MTMR1: variants seen among roughly 807,000 people sequenced by gnomAD.
The protein encoded by MTMR1 is myotubularin related protein 1.
Under a neutral mutation model 51.6 loss-of-function variants are expected in MTMR1, and 17 were observed. The ratio of observed to expected loss-of-function variants is 0.33; its 90% confidence interval spans 0.23 to 0.49. The LOEUF (loss-of-function observed/expected upper bound fraction) is 0.49, where lower values mean the gene tolerates loss of function less well. MTMR1 is among the 20% of genes least tolerant of loss of function. MTMR1 has a pLI of 0.99. For missense variants in MTMR1, 386 were observed against 526.9 expected (o/e 0.73, Z 2.62); for synonymous variants, 201 against 205.6 (o/e 0.98, Z 0.19).
At chrX:150,724,974 T>G (rs1255527601) in intron 4 of MTMR1, among the ~76,000 whole-genome samples, 4 of 112,348 alleles carry the variant, frequency 3.6e-5, no homozygotes, top group Admixed American at 2.8e-4. Context: ...GCTGTTTTGG[T>G]TACTGTGGGC....
chrX:150,741,215 T>G (rs1364474651), intron 12 of MTMR1, among the ~76,000 whole-genome samples: 1 of 111,719 alleles, frequency 9.0e-6, no homozygotes, highest in Non-Finnish European at 1.9e-5. Context: ...AACTCCTCAG[T>G]GTGCACTCAA....
Position 150,707,803 on chromosome X carries a change from C to T in MTMR1, c.253-4539C>T, listed in dbSNP as rs1190363129. 3.6e-5 allele frequency among the ~76,000 whole-genome samples: 4 copies of T among 111,915 alleles called. No individual in the cohort carries two copies. The Admixed American group carries it at 3.8e-4, about 11-fold the overall frequency. On this transcript the variant is annotated intron_variant, in intron 2 of 15. Transcript: ENST00000445323. Reference sequence around the variant, plus strand: ...TTTTAACAGTTTTATTCATAATCACCGAAAACTGGAACCCACCCAGATGTT... The same window carrying T: ...TTTTAACAGTTTTATTCATAATCACTGAAAACTGGAACCCACCCAGATGTT...
At chrX:150,727,397 A>G in intron 5 of MTMR1, 88 bp downstream of exon 5, 1 of 760,994 alleles carries the variant, frequency 1.3e-6, no homozygotes, top group Non-Finnish European at 1.9e-6. Flanking sequence ...CTGAAATCCC[A>G]TTACCCTGAG....
At position 150,757,940 on chromosome X, in the gene MTMR1, A is replaced by G. The variant is rs781793122; in HGVS notation, c.1857+2075A>G. On this transcript the variant is annotated intron_variant, in intron 15 of 15. Transcript: ENST00000445323. ...TAATCAGTCTGTAGAATTCCCCAAG[A>G]CACTCGATACTGCACCGGCCTGTTT... is the stretch of plus-strand genomic sequence containing the variant. Among the ~76,000 whole-genome samples the G allele has an allele frequency of 5.4e-5, 6 of 110,381 alleles. No homozygotes were observed. The South Asian group carries it at 2.3e-3, about 43-fold the overall frequency.
Position 150,755,820 on chromosome X carries a change from G to A in MTMR1, c.1812G>A (p.Leu604=), listed in dbSNP as rs781977532. The change falls in exon 15 of 16, where the codon TTG becomes TTA. Residue 604 remains leucine, a synonymous_variant. Transcript: ENST00000445323. ...YPVASLSHLE[L]WVNYYVRWNP... is the part of the protein sequence containing the mutation. Reference sequence around the variant, plus strand: ...TTGCTAGTCTGAGTCATTTGGAATTGTGGGTAAATTATTATGTACGATGGA... The same window carrying A: ...TTGCTAGTCTGAGTCATTTGGAATTATGGGTAAATTATTATGTACGATGGA... The A allele has an allele frequency of 8.3e-6, 10 of 1,205,027 alleles. No individual in the cohort carries two copies. In the African/African-American group the frequency reaches 1.1e-4, roughly 13 times the overall value.
chrX:150,712,671 T>C (rs782508213), intron 3 of MTMR1: 2 of 271,542 alleles, frequency 7.4e-6, no homozygotes, highest in South Asian at 1.5e-4. Context: ...ACTGGGGTTA[T>C]AAGGCTGGGG....
chrX:150,748,626 TA>T (rs1468126510), intron 13 of MTMR1, among the ~76,000 whole-genome samples: 2 of 106,262 alleles, frequency 1.9e-5, no homozygotes, highest in African/African-American at 6.9e-5. Context: ...AAGACCAGCC[TA>T]GGTAACATAG....
intron 12 of MTMR1, among the ~76,000 whole-genome samples, chrX:150,741,851 A>T (rs1557417326): frequency 4.4e-5 from 5 of 112,632 alleles, no homozygotes; most frequent in African/African-American, 6.5e-5. Context: ...AAGAGATTTT[A>T]TAGTGGGGCA....
chrX:150,730,441 C>T, intron 7 of MTMR1, 84 bp from the exon 8 acceptor site: 2 of 647,372 alleles, frequency 3.1e-6, no homozygotes. Flanking sequence ...ACACTCAGCT[C>T]ATATTAGAAT....
At chrX:150,693,362 G>A, upstream of MTMR1, 1 of 632,988 alleles carries the variant, frequency 1.6e-6, no homozygotes, top group South Asian at 8.1e-5. Flanking sequence ...ACCCCCGCGC[G>A]CGCGGCCTTG....
At chrX:150,753,808 C>G (rs1174041642) in intron 14 of MTMR1, among the ~76,000 whole-genome samples, 1 of 112,015 alleles carries the variant, frequency 8.9e-6, no homozygotes, top group Non-Finnish European at 1.9e-5. Flanking sequence ...CTTTGAAGCA[C>G]AAAAGTTTTT....
chrX:150,731,486 G>T lies in MTMR1; in HGVS notation c.758G>T (p.Ser253Ile). 3.3e-6 allele frequency: 4 copies of T among 1,198,386 alleles called. No homozygotes were observed. The highest frequency in any genetic ancestry group is 4.5e-6 in the Non-Finnish European group (4 of 888,363). Residue 253 changes from serine to isoleucine, a missense_variant, in exon 9 of 16, where the codon AGT (serine) becomes ATT (isoleucine). By Grantham distance (142) the Ser-to-Ile change is moderately radical. Coordinates refer to ENST00000445323, the MANE Select transcript of MTMR1 (RefSeq NM_001306144.3). ...EYKRQGLPNE[S>I]WKISKINSNY... ...ACCTTACAGGGCTTGCCAAATGAGA[G>T]TTGGAAAATATCCAAAATAAACAGT... is the stretch of plus-strand genomic sequence containing the variant.
rs1309602956 is a variant in MTMR1 at position 150,762,833 on chromosome X, G to A, written c.*104G>A. ...CTTGTGATCTTGTCTTTTAGGATTA[G>A]GCCCAGGGACCATTTGTGTGGCTAG... On this transcript the variant is annotated 3_prime_UTR_variant, in exon 16 of 16. Coordinates refer to ENST00000445323, the MANE Select transcript of MTMR1 (RefSeq NM_001306144.3). The A allele has an allele frequency of 1.1e-6, 1 of 928,006 alleles. No individual in the cohort carries two copies. The highest frequency in any genetic ancestry group is 1.4e-6 in the Non-Finnish European group (1 of 707,408). The allele number at this position is 928,006 out of a possible 1,213,427, so 76.5% of individuals were successfully genotyped here. A position where few individuals can be genotyped will look rare whatever the true frequency, so the allele number is the denominator to read the frequency against.
At chrX:150,711,643 A>C (rs1182503662) in intron 2 of MTMR1, among the ~76,000 whole-genome samples, 9 of 112,383 alleles carry the variant, frequency 8.0e-5, no homozygotes, top group African/African-American at 2.9e-4. Context: ...TGCCTGCTGA[A>C]TAAAGCTGGG....
Position 150,764,493 on chromosome X carries a change from T to C in MTMR1, c.*1764T>C, listed in dbSNP as rs1427194102. ...ACTGATTTTTTTTTTAATGGGGACA[T>C]TTGCCATTTTCTTCCCAGAAATATG... On this transcript the variant is annotated 3_prime_UTR_variant, in exon 16 of 16. Transcript: ENST00000445323. 1 of 111,643 alleles carries C rather than the reference T, an allele frequency of 9.0e-6. No individual in the cohort carries two copies. The highest frequency in any genetic ancestry group is 1.9e-5 in the Non-Finnish European group (1 of 53,174). The allele number at this position is 111,643 out of a possible 1,213,427, so 9.2% of individuals were successfully genotyped here.
Position 150,698,680 on chromosome X carries a change from G to GCGCA in MTMR1, c.147-514_147-513insGCAC, listed in dbSNP as rs1491104991. On this transcript the variant is annotated intron_variant, in intron 1 of 15. Transcript: ENST00000445323. The stretch of plus-strand genomic sequence containing the variant: ...GGCAAAACCCTGTCTACACGCGCGC[G>GCGCA]CACACACACACACACACACACACAC... Among the ~76,000 whole-genome samples the GCGCA allele has an allele frequency of 1.2e-3, 73 of 62,962 alleles. No homozygotes were observed. The South Asian group carries it at 0.013, about 11-fold the overall frequency. 54.7% of individuals were successfully genotyped at this position (62,962 alleles called of 115,157 possible). A position where few individuals can be genotyped will look rare whatever the true frequency, so the allele number is the denominator to read the frequency against.
chrX:150,715,172 G>A (rs1393438753), intron 3 of MTMR1, among the ~76,000 whole-genome samples: 3 of 111,879 alleles, frequency 2.7e-5, no homozygotes, highest in Non-Finnish European at 3.8e-5. Flanking sequence ...TGGTGACCCT[G>A]GAAGCAACTT....
At chrX:150,757,227 C>T (rs2042929766) in intron 15 of MTMR1, among the ~76,000 whole-genome samples, 2 of 112,252 alleles carry the variant, frequency 1.8e-5, no homozygotes, top group South Asian at 3.7e-4. Flanking sequence ...TATAGTACCC[C>T]GGCCTGCCAG....
chrX:150,758,691 C>T lies in MTMR1; in HGVS notation c.1857+2826C>T, dbSNP rs145703354. 6.0e-3 allele frequency among the ~76,000 whole-genome samples: 656 copies of T among 108,529 alleles called. 4 individuals carry two copies. The highest frequency in any genetic ancestry group is 0.021 in the African/African-American group (618 of 29,665). The allele number at this position is 108,529 out of a possible 115,157, so 94.2% of individuals were successfully genotyped here. On this transcript the variant is annotated intron_variant, in intron 15 of 15. Transcript: ENST00000445323. ...CTATAATCCCAGCTACTCAGGAGGC[C>T]GAGGCAGAAGAATCGCTTGAACCTG...
Sources: allele counts gnomAD v4.1 joint callset (sites outside exome capture counted in the v4.1 genomes callset), GRCh38; gene constraint gnomAD v4.1.1; transcripts MANE v1.5; gene names NCBI Gene and HGNC (gene_info 2026-07-23, HGNC 2026-07-21).